The following MOCOS variants were observed in gnomAD, a reference collection of about 807,000 sequenced individuals.
MOCOS encodes the protein molybdenum cofactor sulfurase.
MOCOS carries 86 observed loss-of-function variants against 83.6 expected under a neutral mutation model. The ratio of observed to expected loss-of-function variants is 1.03; its 90% confidence interval spans 0.86 to 1.23. The LOEUF (loss-of-function observed/expected upper bound fraction) is 1.23. Among genes scored for constraint, MOCOS ranks in the 50% most tolerant of loss-of-function variants. The pLI is 0.00. For synonymous variants in MOCOS, 445 were observed against 434.7 expected, an observed-to-expected ratio of 1.02 and a Z score of -0.29; for missense variants, 1,120 against 1,126.9, an observed-to-expected ratio of 0.99 and a Z score of 0.09.
chr18:36,239,494 C>G (rs1326010957), intron 9 of MOCOS, among the ~76,000 whole-genome samples: 1 of 151,598 alleles, frequency 6.6e-6, no homozygotes, highest in East Asian at 1.9e-4. Flanking sequence ...GGGTTTCTGC[C>G]AAGAGATCCG....
At chr18:36,249,770 C>T (rs1000531500) in intron 10 of MOCOS, among the ~76,000 whole-genome samples, 3 of 152,072 alleles carry the variant, frequency 2.0e-5, no homozygotes, top group Admixed American at 2.0e-4. Context: ...ATAGAATAAC[C>T]TGAACTAGCT....
intron 9 of MOCOS, among the ~76,000 whole-genome samples, chr18:36,231,559 TTTTG>T (rs918857954): frequency 2.9e-4 from 44 of 152,282 alleles, no homozygotes; most frequent in South Asian, 4.1e-4. Flanking sequence ...TGTTTGTTTG[TTTTG>T]TTTGTTTGTT....
At chr18:36,218,570 A>AGT (rs2144919785) in intron 8 of MOCOS, among the ~76,000 whole-genome samples, 1 of 152,280 alleles carries the variant, frequency 6.6e-6, no homozygotes, top group East Asian at 1.9e-4. Context: ...GCTGGAATAC[A>AGT]GTGCTGCCAT....
In MOCOS at chr18:36,227,785, T is replaced by G. The variant is rs746302540; in HGVS notation, c.1960+7568T>G. On this transcript the variant is annotated intron_variant, in intron 9 of 14. Coordinates refer to ENST00000261326, the MANE Select transcript of MOCOS (RefSeq NM_017947.4). ...TCAGGACATAAGTAAGGGCAAAGGTTTCATAGTGAAGACAGCAAAAGCAAT... is the reference window on the plus strand; with the variant it reads ...TCAGGACATAAGTAAGGGCAAAGGTGTCATAGTGAAGACAGCAAAAGCAAT... Among the ~76,000 whole-genome samples the G allele has an allele frequency of 1.3e-5, 2 of 152,142 alleles. 1 individual carries two copies. Among genetic ancestry groups the G allele is most frequent in the African/African-American group, 4.8e-5 (2 of 41,434 alleles).
intron 9 of MOCOS, among the ~76,000 whole-genome samples, chr18:36,243,788 C>G (rs902806664): frequency 7.9e-5 from 12 of 152,032 alleles, no homozygotes; most frequent in African/African-American, 2.7e-4. Flanking sequence ...CCATTTCAGT[C>G]TCGCTACTTG....
chr18:36,266,960 C>A, intron 14 of MOCOS, 107 bp downstream of exon 14: 1 of 939,810 alleles, frequency 1.1e-6, no homozygotes, highest in Non-Finnish European at 1.7e-6. Context: ...GGGGGATTTG[C>A]TGCCCATCCA....
At chr18:36,243,212 T>C (rs2091590530) in intron 9 of MOCOS, among the ~76,000 whole-genome samples, 1 of 152,196 alleles carries the variant, frequency 6.6e-6, no homozygotes, top group Non-Finnish European at 1.5e-5. Context: ...AGTTATATCA[T>C]TGGCAAACAG....
At chr18:36,217,089 G>A (rs1893269) in intron 8 of MOCOS, among the ~76,000 whole-genome samples, 4 of 152,008 alleles carry the variant, frequency 2.6e-5, no homozygotes, top group Admixed American at 2.6e-4. Flanking sequence ...CGTGATATTC[G>A]ATGCAGACAG....
chr18:36,253,671 A>G (rs922033858), intron 11 of MOCOS, among the ~76,000 whole-genome samples: 1 of 151,954 alleles, frequency 6.6e-6, no homozygotes, highest in African/African-American at 2.4e-5. Flanking sequence ...TCTCAAAAAA[A>G]AAAAAAAGGA....
chr18:36,255,906 G>GAA (rs2091639829), intron 11 of MOCOS, among the ~76,000 whole-genome samples: 2 of 65,680 alleles, frequency 3.0e-5, no homozygotes, highest in African/African-American at 1.7e-4. Context: ...TTTTTTTTTA[G>GAA]ACAGTTTTGC....
At chr18:36,232,739 C>G (rs1385335550) in intron 9 of MOCOS, among the ~76,000 whole-genome samples, 1 of 152,014 alleles carries the variant, frequency 6.6e-6, no homozygotes, top group African/African-American at 2.4e-5. Flanking sequence ...TGAGAACATG[C>G]AGTATTTGTC....
intron 9 of MOCOS, among the ~76,000 whole-genome samples, chr18:36,224,200 T>C (rs2091507276): frequency 6.6e-6 from 1 of 152,208 alleles, no homozygotes. Context: ...GTATTTAGAA[T>C]TTTTTGAATA....
Position 36,215,659 on chromosome 18 carries a change from AG to A in MOCOS, c.1483del (p.Asp495ThrfsTer54). On this transcript the variant is annotated frameshift_variant, in exon 8 of 15. Coordinates refer to ENST00000261326, the MANE Select transcript of MOCOS (RefSeq NM_017947.4). LOFTEE classifies it high-confidence loss of function. ...FIIDTRLHSS[G>X]DWPVPQAHAD... Reference sequence around the variant, plus strand: ...TCATAGACACTCGCCTGCACTCATCAGGGGACTGGCCTGTCCCTCAGGCCCA... The same window carrying A: ...TCATAGACACTCGCCTGCACTCATCAGGGACTGGCCTGTCCCTCAGGCCCA... 6.2e-7 allele frequency: 1 copy of A among 1,614,170 alleles called. No homozygotes were observed. The highest frequency in any genetic ancestry group is 1.3e-5 in the African/African-American group (1 of 75,044).
chr18:36,234,976 C>T (rs2091552398), intron 9 of MOCOS, among the ~76,000 whole-genome samples: 1 of 152,074 alleles, frequency 6.6e-6, no homozygotes, highest in African/African-American at 2.4e-5. Context: ...CACCTCCCTC[C>T]CTTGATATCT....
At chr18:36,213,067 G>A (rs773582651) in intron 6 of MOCOS, among the ~76,000 whole-genome samples, 1 of 152,190 alleles carries the variant, frequency 6.6e-6, no homozygotes, top group Non-Finnish European at 1.5e-5. Context: ...TACTCAGCAT[G>A]GACACAGTAA....
intron 8 of MOCOS, among the ~76,000 whole-genome samples, chr18:36,217,062 G>C (rs963453447): frequency 7.2e-5 from 11 of 152,180 alleles, no homozygotes; most frequent in Non-Finnish European, 1.6e-4. Context: ...CTAGAGAGAC[G>C]CGACAAATGT....
At chr18:36,239,242 C>A (rs946652565) in intron 9 of MOCOS, among the ~76,000 whole-genome samples, 2 of 152,144 alleles carry the variant, frequency 1.3e-5, no homozygotes, top group East Asian at 3.8e-4. Context: ...ATGATCGTTA[C>A]ATTTTGGCAT....
Position 36,200,144 on chromosome 18 carries a change from A to G in MOCOS, c.761A>G (p.Gln254Arg). 6.2e-7 allele frequency: 1 copy of G among 1,614,218 alleles called. No individual in the cohort carries two copies. The highest frequency in any genetic ancestry group is 8.5e-7 in the Non-Finnish European group (1 of 1,180,048). ...TCGCCTTTGGACCTGTCAGCTCACC[A>G]GGCCGACTTTGTCCCCATCTCCTTC... ...STSPLDLSAH[Q>R]ADFVPISFYK... Residue 254 changes from glutamine (Q) to arginine (R), a missense_variant, in exon 4 of 15, where the codon CAG (glutamine) becomes CGG (arginine). Transcript: ENST00000261326.
At chr18:36,254,553 TAGTC>T (rs1405316691) in intron 11 of MOCOS, among the ~76,000 whole-genome samples, 8 of 150,894 alleles carry the variant, frequency 5.3e-5, no homozygotes, top group African/African-American at 1.5e-4. Flanking sequence ...TGTCCTTTAA[TAGTC>T]AGTTTTATTT....
Sources: gnomAD v4.1 joint callset for allele counts (sites outside exome capture counted in the v4.1 genomes callset) on GRCh38, gnomAD v4.1.1 for gene constraint, MANE v1.5 for transcripts, NCBI Gene and HGNC (gene_info 2026-07-23, HGNC 2026-07-21) for gene names.